Variants in PRR16 observed in about 807,000 individuals in gnomAD.
PRR16 encodes proline rich 16.
PRR16 carries 6 observed loss-of-function variants against 18.2 expected under a neutral mutation model. That is an observed-to-expected ratio of 0.33 (90% CI 0.18 to 0.65). The LOEUF (loss-of-function observed/expected upper bound fraction) is 0.65, where lower values mean the gene tolerates loss of function less well. PRR16 is among the 30% of genes least tolerant of loss of function. PRR16 has a pLI of 0.74. For missense variants in PRR16, 412 were observed against 376.6 expected (o/e 1.09, Z -0.78); for synonymous variants, 151 against 147.8 (o/e 1.02, Z -0.16).
chr5:120,754,068 T>C, the PRR16 span, among the ~76,000 whole-genome samples: 1 of 117,822 alleles, frequency 8.5e-6, no homozygotes, highest in East Asian at 2.3e-4. Context: ...GGAAGACAAC[T>C]TTTTACAATT....
chr5:120,754,513 A>AT, the PRR16 span, among the ~76,000 whole-genome samples: 4 of 71,188 alleles, frequency 5.6e-5, no homozygotes, highest in Non-Finnish European at 2.4e-5. Context: ...TATGTATATT[A>AT]TATATTATAT....
At chr5:120,677,905 CTTTTTTTTTTT>C (rs386404833) in intron 1 of PRR16, among the ~76,000 whole-genome samples, 1 of 93,218 alleles carries the variant, frequency 1.1e-5, no homozygotes, top group African/African-American at 4.4e-5. Context: ...CTTTTTCTTT[CTTTTTTTTTTT>C]TTTTTTTTTT....
chr5:120,670,671 G>T (rs1450509224), intron 1 of PRR16, among the ~76,000 whole-genome samples: 1 of 152,070 alleles, frequency 6.6e-6, no homozygotes, highest in Non-Finnish European at 1.5e-5. Context: ...ATATCATAAT[G>T]CTTGTATACC....
the PRR16 span, among the ~76,000 whole-genome samples, chr5:120,751,564 A>G: frequency 6.6e-6 from 1 of 151,920 alleles, no homozygotes; most frequent in Non-Finnish European, 1.5e-5. Flanking sequence ...TTTTAGCTTT[A>G]CAGTTTAAAT....
At chr5:120,516,607 A>G (rs772525692) in intron 1 of PRR16, among the ~76,000 whole-genome samples, 54 of 152,072 alleles carry the variant, frequency 3.6e-4, no homozygotes, top group Non-Finnish European at 5.6e-4. Flanking sequence ...TGCTGCAGAG[A>G]AAAGTATGGC....
chr5:120,470,405 A>G (rs1043571271), intron 1 of PRR16, among the ~76,000 whole-genome samples: 2 of 152,200 alleles, frequency 1.3e-5, no homozygotes, highest in Non-Finnish European at 2.9e-5. Flanking sequence ...CATAAAAATA[A>G]GTATACTAAA....
intron 1 of PRR16, among the ~76,000 whole-genome samples, chr5:120,524,442 ATTTTTTTC>A (rs1561530407): frequency 6.6e-6 from 1 of 152,026 alleles, no homozygotes; most frequent in Non-Finnish European, 1.5e-5. Flanking sequence ...GCAGATACAC[ATTTTTTTC>A]ACTGATATCC....
the PRR16 span, among the ~76,000 whole-genome samples, chr5:120,705,565 T>A: frequency 6.6e-6 from 1 of 152,272 alleles, no homozygotes; most frequent in African/African-American, 2.4e-5. Context: ...ATAATCAGCT[T>A]ATATTTTCCA....
At chr5:120,746,265 A>C in the PRR16 span, among the ~76,000 whole-genome samples, 1 of 152,146 alleles carries the variant, frequency 6.6e-6, no homozygotes, top group Non-Finnish European at 1.5e-5. Flanking sequence ...CATAAAGCTA[A>C]TGATACTGAG....
intron 1 of PRR16, among the ~76,000 whole-genome samples, chr5:120,586,794 A>T (rs1753459769): frequency 6.6e-6 from 1 of 152,100 alleles, no homozygotes; most frequent in Admixed American, 6.6e-5. Context: ...CCCTGCAATG[A>T]CCTCTAAGCA....
intron 1 of PRR16, among the ~76,000 whole-genome samples, chr5:120,635,044 C>T (rs1755181928): frequency 6.6e-6 from 1 of 152,094 alleles, no homozygotes. Flanking sequence ...TGAAAATATA[C>T]AACCCTCCTA....
chr5:120,511,552 A>T (rs567506447), intron 1 of PRR16, among the ~76,000 whole-genome samples: 1 of 152,202 alleles, frequency 6.6e-6, no homozygotes, highest in Admixed American at 6.5e-5. Flanking sequence ...CTTATTTCTA[A>T]GTTCTTCATG....
chr5:120,517,971 C>T lies in PRR16; in HGVS notation c.159+53326C>T, dbSNP rs139832410. ...TATTTTTCCAAGCTGTATAAATTATCTTGGCTGGGGAAAAAGTTTTGTGTC... is the reference window on the plus strand; with the variant it reads ...TATTTTTCCAAGCTGTATAAATTATTTTGGCTGGGGAAAAAGTTTTGTGTC... On this transcript the variant is annotated intron_variant, in intron 1 of 1. Coordinates refer to ENST00000407149, the MANE Select transcript of PRR16 (RefSeq NM_001300783.2). 5.0e-3 allele frequency among the ~76,000 whole-genome samples: 767 copies of T among 152,202 alleles called. 12 individuals are homozygous for T. The highest frequency in any genetic ancestry group is 0.018 in the African/African-American group (728 of 41,520).
At chr5:120,465,090 G>A (rs1031211711) in intron 1 of PRR16, among the ~76,000 whole-genome samples, 2 of 152,152 alleles carry the variant, frequency 1.3e-5, no homozygotes, top group African/African-American at 4.8e-5. Flanking sequence ...CTGAAGAGGG[G>A]CCGGGTTCTG....
At chr5:120,689,501 A>G (rs888386674), downstream of PRR16, among the ~76,000 whole-genome samples, 1 of 152,194 alleles carries the variant, frequency 6.6e-6, no homozygotes, top group Non-Finnish European at 1.5e-5. Flanking sequence ...CCTAAAGACC[A>G]TAAACAGAAA....
chr5:120,505,946 GTATATATATATATATA>G (rs10635515), intron 1 of PRR16, among the ~76,000 whole-genome samples: 1 of 141,306 alleles, frequency 7.1e-6, no homozygotes, highest in African/African-American at 2.6e-5. Flanking sequence ...GTGTGTGTGT[GTATATATATATATATA>G]TATATATACA....
At chr5:120,624,088 A>AT (rs1754783163) in intron 1 of PRR16, among the ~76,000 whole-genome samples, 1 of 152,082 alleles carries the variant, frequency 6.6e-6, no homozygotes, top group African/African-American at 2.4e-5. Context: ...ACAGTGGGGT[A>AT]TTTTTCCACA....
chr5:120,628,015 A>C (rs535386533), intron 1 of PRR16, among the ~76,000 whole-genome samples: 3 of 152,124 alleles, frequency 2.0e-5, no homozygotes, highest in African/African-American at 4.8e-5. Context: ...ACTCTGGTGA[A>C]TGTATTGCTT....
chr5:120,719,489 TTCTGTTATAA>T, the PRR16 span, among the ~76,000 whole-genome samples: 1 of 152,100 alleles, frequency 6.6e-6, no homozygotes, highest in Admixed American at 6.6e-5. Context: ...TTTTCCATTT[TTCTGTTATAA>T]TCGCAAAAGG....
Sources: gnomAD v4.1 joint callset for allele counts (sites outside exome capture counted in the v4.1 genomes callset) on GRCh38, gnomAD v4.1.1 for gene constraint, MANE v1.5 for transcripts, NCBI Gene and HGNC (gene_info 2026-07-23, HGNC 2026-07-21) for gene names.